LEMD1: variants seen among roughly 807,000 people sequenced by gnomAD.
LEMD1 encodes the protein LEM domain-containing protein 1.
Under a neutral mutation model 17.4 loss-of-function variants are expected in LEMD1, and 18 were observed. That is an observed-to-expected ratio of 1.04 (90% CI 0.72 to 1.54). LEMD1 has a LOEUF of 1.54. Among genes scored for constraint, LEMD1 ranks in the 40% most tolerant of loss-of-function variants. The probability of loss-of-function intolerance (pLI) is 0.00; values close to 1 mark genes in which losing one functional copy is unlikely to be tolerated. For missense variants in LEMD1, 195 were observed against 210.4 expected (o/e 0.93, Z 0.45); for synonymous variants, 88 against 77.8 (o/e 1.13, Z -0.69).
intron 4 of LEMD1, among the ~76,000 whole-genome samples, chr1:205,390,002 C>A (rs1256412229): frequency 6.6e-6 from 1 of 152,136 alleles, no homozygotes; most frequent in Non-Finnish European, 1.5e-5. Flanking sequence ...ATTATCTGCA[C>A]CACATTAACA....
At chr1:205,429,129 C>T (rs1456771522) in intron 1 of LEMD1, among the ~76,000 whole-genome samples, 1 of 152,244 alleles carries the variant, frequency 6.6e-6, no homozygotes, top group African/African-American at 2.4e-5. Flanking sequence ...CACCACCATC[C>T]CTTACCCTCC....
chr1:205,423,793 T>C (rs1455537071), upstream of LEMD1, among the ~76,000 whole-genome samples: 2 of 152,248 alleles, frequency 1.3e-5, no homozygotes, highest in Admixed American at 1.3e-4. Context: ...TTTTTATTTT[T>C]CATTCTCCCC....
At chr1:205,423,114 G>A (rs368605303), upstream of LEMD1, among the ~76,000 whole-genome samples, 21 of 152,136 alleles carry the variant, frequency 1.4e-4, no homozygotes, top group Admixed American at 1.0e-3. Flanking sequence ...ACACTTGCCC[G>A]TGGGAGTCTG....
intron 4 of LEMD1, among the ~76,000 whole-genome samples, chr1:205,403,492 G>C (rs1207389484): frequency 1.3e-5 from 2 of 152,140 alleles, no homozygotes; most frequent in African/African-American, 4.8e-5. Flanking sequence ...TTTGCATAGA[G>C]GTGTTTGTAG....
At chr1:205,395,539 AGCCAAGATCAT>A (rs530912368) in intron 4 of LEMD1, among the ~76,000 whole-genome samples, 106 of 151,776 alleles carry the variant, frequency 7.0e-4, no homozygotes, top group African/African-American at 2.3e-3. Flanking sequence ...TGTTGCGGTG[AGCCAAGATCAT>A]GCCATTGCAA....
intron 1 of LEMD1, among the ~76,000 whole-genome samples, chr1:205,444,154 A>T (rs1490642355): frequency 6.6e-6 from 1 of 151,622 alleles, no homozygotes; most frequent in African/African-American, 2.4e-5. Context: ...CCATGCCCAT[A>T]GTCCAGGAGG....
At chr1:205,444,262 T>C (rs908755391) in intron 1 of LEMD1, among the ~76,000 whole-genome samples, 5 of 152,170 alleles carry the variant, frequency 3.3e-5, no homozygotes, top group Admixed American at 6.5e-5. Context: ...TACCACACAG[T>C]TGGCTGCATC....
At chr1:205,425,625 C>A (rs1258057158), upstream of LEMD1, among the ~76,000 whole-genome samples, 1 of 152,164 alleles carries the variant, frequency 6.6e-6, no homozygotes, top group Non-Finnish European at 1.5e-5. Context: ...AGACTCCACT[C>A]TCAAGGAGCA....
chr1:205,428,109 C>T (rs185533306), intron 1 of LEMD1, among the ~76,000 whole-genome samples: 2 of 152,294 alleles, frequency 1.3e-5, no homozygotes, highest in African/African-American at 2.4e-5. Context: ...ACAGTGGGAG[C>T]CACTGAAGAT....
intron 1 of LEMD1, chr1:205,440,935 G>A (rs1048703912): frequency 2.4e-4 from 37 of 152,482 alleles, no homozygotes; most frequent in African/African-American, 7.7e-4. Context: ...TCACACCGCC[G>A]TCTCCCGCTC....
chr1:205,417,790 T>G (rs1201028985), intron 3 of LEMD1, among the ~76,000 whole-genome samples: 2 of 151,318 alleles, frequency 1.3e-5, no homozygotes, highest in African/African-American at 4.9e-5. Context: ...GTTTTTAATT[T>G]GAACTATATG....
At chr1:205,429,362 G>A (rs1040622442) in intron 1 of LEMD1, among the ~76,000 whole-genome samples, 3 of 152,168 alleles carry the variant, frequency 2.0e-5, no homozygotes, top group Admixed American at 6.5e-5. Flanking sequence ...GATGGTAGGG[G>A]TCCTCTGAAG....
intron 5 of LEMD1, chr1:205,382,150 T>C (rs180854235): frequency 1.5e-4 from 49 of 334,646 alleles, no homozygotes; most frequent in Non-Finnish European, 2.6e-4. Context: ...CACAGGTACA[T>C]GCCACCACCC....
chr1:205,434,876 T>C (rs1666180264), intron 1 of LEMD1: 1 of 152,174 alleles, frequency 6.6e-6, no homozygotes, highest in Admixed American at 6.5e-5. Context: ...ATCCATTTAC[T>C]GCAAAGGGAT....
chr1:205,445,185 CCTCCCT>C (rs967373487), intron 1 of LEMD1, among the ~76,000 whole-genome samples: 5 of 152,100 alleles, frequency 3.3e-5, no homozygotes, highest in Admixed American at 2.0e-4. Flanking sequence ...CTCCCCACCT[CCTCCCT>C]CTCCCTCTCC....
At chr1:205,426,619 G>C (rs1053191086), upstream of LEMD1, among the ~76,000 whole-genome samples, 1 of 152,144 alleles carries the variant, frequency 6.6e-6, no homozygotes, top group Non-Finnish European at 1.5e-5. Flanking sequence ...AACAAGGCTT[G>C]GGGGTAGAAG....
intron 1 of LEMD1, among the ~76,000 whole-genome samples, chr1:205,439,693 T>C (rs1356089494): frequency 6.6e-6 from 1 of 152,150 alleles, no homozygotes. Flanking sequence ...GGGGTCTGAC[T>C]TTGCTCCTTG....
chr1:205,392,054 T>C (rs940830577), intron 4 of LEMD1, among the ~76,000 whole-genome samples: 3 of 151,070 alleles, frequency 2.0e-5, no homozygotes, highest in African/African-American at 7.3e-5. Flanking sequence ...GAGGTTTAAA[T>C]GAGCCAAGAT....
intron 1 of LEMD1, chr1:205,436,205 C>G (rs116864810): frequency 1.3e-5 from 2 of 152,106 alleles, no homozygotes; most frequent in Non-Finnish European, 1.5e-5. Context: ...CAGCAGCCCA[C>G]GAGGAAAACC....
Sources: allele counts gnomAD v4.1 joint callset (sites outside exome capture counted in the v4.1 genomes callset), GRCh38; gene constraint gnomAD v4.1.1; transcripts MANE v1.5; gene names NCBI Gene and HGNC (gene_info 2026-07-23, HGNC 2026-07-21).